FAM118A: variants seen among roughly 807,000 people sequenced by gnomAD.
FAM118A encodes the protein SIR2 antiphage like 2.
FAM118A carries 25 observed loss-of-function variants against 38.2 expected under a neutral mutation model. The ratio of observed to expected loss-of-function variants is 0.65; its 90% confidence interval spans 0.48 to 0.91. The LOEUF (loss-of-function observed/expected upper bound fraction) is 0.91, where lower values mean the gene tolerates loss of function less well. FAM118A is among the 40% of genes least tolerant of loss of function. FAM118A has a pLI of 0.00. For missense variants in FAM118A, 425 were observed against 463.3 expected (o/e 0.92, Z 0.76); for synonymous variants, 178 against 184.1 (o/e 0.97, Z 0.27).
intron 1 of FAM118A, chr22:45,318,671 G>A (rs1474189577): frequency 2.6e-5 from 4 of 152,224 alleles, no homozygotes; most frequent in Non-Finnish European, 4.4e-5. Context: ...GTGTGATAAT[G>A]AACTGTAAAT....
At chr22:45,327,690 C>T (rs2085381454) in intron 3 of FAM118A, 152 bp from the exon 4 acceptor site, 3 of 735,198 alleles carry the variant, frequency 4.1e-6, no homozygotes, top group Middle Eastern at 3.8e-4. Context: ...CATCCCCTGT[C>T]CCCCTGCTCT....
At chr22:45,316,545 G>C (rs1000206340) in intron 1 of FAM118A, among the ~76,000 whole-genome samples, 13 of 152,202 alleles carry the variant, frequency 8.5e-5, no homozygotes, top group African/African-American at 2.7e-4. Context: ...TTGCTTGAAG[G>C]CTCCCGGTCT....
At chr22:45,337,015 G>A (rs1017926784) in intron 8 of FAM118A, among the ~76,000 whole-genome samples, 6 of 152,176 alleles carry the variant, frequency 3.9e-5, no homozygotes, top group East Asian at 1.9e-4. Flanking sequence ...TATGAAGGGC[G>A]ATCTCGCTTG....
At chr22:45,337,948 CCTGTT>C in intron 8 of FAM118A, 1 of 962,428 alleles carries the variant, frequency 1.0e-6, no homozygotes, top group Non-Finnish European at 1.2e-6. Flanking sequence ...CTGATGGGAA[CCTGTT>C]CCCAGTGATT....
rs1293706773 is a variant in FAM118A at position 45,310,160 on chromosome 22, A to C, written c.-33A>C. ...CGAAGAGGTGGCAGCGCGAGCTGGG[A>C]CCAGCGTCTCGGAGGCGCCGCAGGT... On this transcript the variant is annotated 5_prime_UTR_variant, in exon 1 of 9. Transcript: ENST00000441876. The C allele has an allele frequency of 6.7e-6, 1 of 149,588 alleles. No individual in the cohort carries two copies. Among genetic ancestry groups the C allele is most frequent in the Non-Finnish European group, 1.5e-5 (1 of 67,356 alleles). The allele number at this position is 149,588 out of a possible 1,614,324, so 9.3% of individuals were successfully genotyped here. A position where few individuals can be genotyped will look rare whatever the true frequency, so the allele number is the denominator to read the frequency against.
intron 1 of FAM118A, among the ~76,000 whole-genome samples, chr22:45,312,525 T>C (rs554646337): frequency 6.6e-6 from 1 of 152,134 alleles, no homozygotes; most frequent in East Asian, 1.9e-4. Flanking sequence ...ATACAAAAAA[T>C]TAGCTGGGCA....
Position 45,340,724 on chromosome 22 carries a change from A to T in FAM118A, c.*319A>T. The T allele has an allele frequency of 2.3e-6, 1 of 436,356 alleles. No individual in the cohort carries two copies. The allele number at this position is 436,356 out of a possible 1,614,324, so 27.0% of individuals were successfully genotyped here. A position where few individuals can be genotyped will look rare whatever the true frequency, so the allele number is the denominator to read the frequency against. ...CCATCTGACAGGCTCTCTTTTGTCA[A>T]GGTGGTATTTTTCGTAATAAAAGGG... On this transcript the variant is annotated 3_prime_UTR_variant, in exon 9 of 9. Coordinates refer to ENST00000441876, the MANE Select transcript of FAM118A (RefSeq NM_017911.4).
At chr22:45,336,453 C>G in intron 8 of FAM118A, 42 bp downstream of exon 8, 1 of 1,509,836 alleles carries the variant, frequency 6.6e-7, no homozygotes. Context: ...CCTCGGGTCT[C>G]TCTTGTTGGC....
chr22:45,337,720 A>G, intron 8 of FAM118A: 1 of 480,716 alleles, frequency 2.1e-6, no homozygotes, highest in African/African-American at 2.1e-5. Flanking sequence ...TCTCTCTGAG[A>G]TGGAGGCCTA....
chr22:45,318,893 T>C (rs1357142647), intron 1 of FAM118A: 1 of 152,208 alleles, frequency 6.6e-6, no homozygotes, highest in African/African-American at 2.4e-5. Flanking sequence ...CAGTTCAGGC[T>C]GAGAAAGAGG....
intron 1 of FAM118A, among the ~76,000 whole-genome samples, chr22:45,316,093 G>A (rs1037429784): frequency 6.6e-5 from 10 of 152,214 alleles, no homozygotes; most frequent in African/African-American, 2.4e-4. Flanking sequence ...AGTGTGGAGT[G>A]CAGTGGCACG....
At chr22:45,335,506 GC>G in intron 7 of FAM118A, 124 bp downstream of exon 7, 1 of 1,096,428 alleles carries the variant, frequency 9.1e-7, no homozygotes. Flanking sequence ...TATTAAAACA[GC>G]CCCACTGAAG....
intron 4 of FAM118A, 95 bp from the exon 5 acceptor site, chr22:45,330,508 G>A (rs1021276381): frequency 7.5e-7 from 1 of 1,324,510 alleles, no homozygotes; most frequent in Non-Finnish European, 1.0e-6. Context: ...TTCCAAGATA[G>A]GTTTAAAAAC....
In FAM118A at chr22:45,340,838, G is replaced by A. The variant is rs2086425272; in HGVS notation, c.*433G>A. The stretch of plus-strand genomic sequence containing the variant: ...TTTTTTTGAGTCAGAGTCTCACTCT[G>A]TCACCCAGGACAGAGTGCAGTGGTA... On this transcript the variant is annotated 3_prime_UTR_variant, in exon 9 of 9. Coordinates refer to ENST00000441876, the MANE Select transcript of FAM118A (RefSeq NM_017911.4). The A allele has an allele frequency of 5.3e-6, 1 of 187,878 alleles. No individual in the cohort carries two copies. The highest frequency in any genetic ancestry group is 1.1e-4 in the South Asian group (1 of 8,874). The allele number at this position is 187,878 out of a possible 1,614,324, so 11.6% of individuals were successfully genotyped here.
chr22:45,341,879 A>C lies in FAM118A; in HGVS notation c.*1474A>C, dbSNP rs1017674889. ...CATAGGGAGGGAGAGAAGCCCTGAA[A>C]ACTTTTTTTTTCTTTTTGAAGCATG... On this transcript the variant is annotated 3_prime_UTR_variant, in exon 9 of 9. Coordinates refer to ENST00000441876, the MANE Select transcript of FAM118A (RefSeq NM_017911.4). 1.3e-5 allele frequency: 2 copies of C among 152,180 alleles called. No homozygotes were observed. Among genetic ancestry groups the C allele is most frequent in the Admixed American group, 1.3e-4 (2 of 15,272 alleles). The allele number at this position is 152,180 out of a possible 1,614,324, so 9.4% of individuals were successfully genotyped here.
chr22:45,332,393 G>T, intron 5 of FAM118A, 32 bp from the exon 6 acceptor site: 2 of 1,589,452 alleles, frequency 1.3e-6, no homozygotes, highest in South Asian at 2.3e-5. Context: ...TCTTTCAAAT[G>T]AGCACTCAAT....
Position 45,332,660 on chromosome 22 carries a change from C to T in FAM118A, c.887C>T (p.Pro296Leu). The T allele has an allele frequency of 6.2e-7, 1 of 1,614,062 alleles. No individual in the cohort carries two copies. Among genetic ancestry groups the T allele is most frequent in the Non-Finnish European group, 8.5e-7 (1 of 1,179,968 alleles). The change falls in exon 6 of 9, where the codon CCA becomes CTA. Residue 296 changes from proline (P) to leucine (L), a missense_variant. Physicochemically the swap from Pro to Leu is moderately conservative, Grantham distance 98. Transcript: ENST00000441876. ...TACGGGGACTGTTTTGACCACTTTC[C>T]AGGATATGTGCAAGACCTTGCCACT... Reference protein sequence around the residue: ...VSYGDCFDHFPGYVQDLATQI... With the variant: ...VSYGDCFDHFLGYVQDLATQI...
chr22:45,335,869 C>T (rs774710975), intron 7 of FAM118A, among the ~76,000 whole-genome samples: 30 of 152,198 alleles, frequency 2.0e-4, no homozygotes, highest in Non-Finnish European at 1.3e-4. Context: ...TGGCCATGAG[C>T]GTCCTCCTGT....
At position 45,323,183 on chromosome 22, in the gene FAM118A, T is replaced by TA. The variant is rs1240490039; in HGVS notation, c.61dup (p.Ser21LysfsTer73). 1 of 1,608,374 alleles carries TA rather than the reference T, an allele frequency of 6.2e-7. No homozygotes were observed. Among genetic ancestry groups the TA allele is most frequent in the South Asian group, 1.1e-5 (1 of 90,992 alleles). ...CCCTTCTTTTCAAGTAGAAAGTTTT[T>TA]AAAAAGCCTCATCCGGAAACAGCCC... is the stretch of plus-strand genomic sequence containing the variant. On this transcript the variant is annotated frameshift_variant, in exon 3 of 9. Coordinates refer to ENST00000441876, the MANE Select transcript of FAM118A (RefSeq NM_017911.4). LOFTEE classifies it high-confidence loss of function.
Sources: gnomAD v4.1 joint callset for allele counts (sites outside exome capture counted in the v4.1 genomes callset) on GRCh38, gnomAD v4.1.1 for gene constraint, MANE v1.5 for transcripts, NCBI Gene and HGNC (gene_info 2026-07-23, HGNC 2026-07-21) for gene names.